Variants in CENPF observed in about 807,000 individuals in gnomAD.
The protein encoded by CENPF is AH antigen.
CENPF carries 214 observed loss-of-function variants against 307.3 expected under a neutral mutation model. The observed-to-expected ratio is 0.70, with a 90% confidence interval of 0.62 to 0.78. The LOEUF (loss-of-function observed/expected upper bound fraction) is 0.78, where lower values mean the gene tolerates loss of function less well. CENPF is among the 30% of genes least tolerant of loss of function. CENPF has a pLI of 0.00. For missense variants in CENPF, 3,401 were observed against 3,483.9 expected (o/e 0.98, Z 0.60); for synonymous variants, 1,259 against 1,270.6 (o/e 0.99, Z 0.19).
At chr1:214,612,481 A>G (rs1196538116) in intron 1 of CENPF, among the ~76,000 whole-genome samples, 1 of 152,108 alleles carries the variant, frequency 6.6e-6, no homozygotes, top group Non-Finnish European at 1.5e-5. Context: ...TGCTGGCCTC[A>G]TAGAATGAGT....
rs748009262 is a variant in CENPF at position 214,641,967 on chromosome 1, T to A, written c.3629T>A (p.Leu1210Ter). 6 of 1,602,714 alleles carry A rather than the reference T, an allele frequency of 3.7e-6. No homozygotes were observed. Among genetic ancestry groups the A allele is most frequent in the Non-Finnish European group, 4.2e-6 (5 of 1,177,148 alleles). ...TCTCTAGATAGTTATAATGCGCAGT[T>A]GGTGCAATTAGAAGCTATGCTAAGA... The part of the protein sequence containing the change: ...EISLDSYNAQ[L>*]VQLEAMLRNK... Residue 1210 changes from leucine to a stop codon, truncating the protein, a stop_gained, in exon 12 of 20, where the codon TTG becomes TAG. Transcript: ENST00000366955. LOFTEE classifies it high-confidence loss of function.
At chr1:214,638,121 A>G in intron 11 of CENPF, 120 bp downstream of exon 11, 1 of 1,021,900 alleles carries the variant, frequency 9.8e-7, no homozygotes, top group Non-Finnish European at 1.4e-6. Flanking sequence ...TCCCTCAAAA[A>G]GATGTGCGCA....
chr1:214,615,005 A>G lies in CENPF; in HGVS notation c.336A>G (p.Glu112=). Residue 112 remains glutamate, a synonymous_variant, in exon 3 of 20, where the codon GAA becomes GAG. Transcript: ENST00000366955. The part of the protein sequence containing the change: ...GQLNSGKKQI[E]KLEQELKRCK... ...TGAATTCAGGCAAAAAACAAATAGA[A>G]AAACTGGAACAGGAACTTAAAAGGT... The G allele has an allele frequency of 6.2e-7, 1 of 1,602,990 alleles. No homozygotes were observed. Among genetic ancestry groups the G allele is most frequent in the Non-Finnish European group, 8.5e-7 (1 of 1,176,306 alleles).
Position 214,642,576 on chromosome 1 carries a change from C to G in CENPF, c.4238C>G (p.Ser1413Cys), listed in dbSNP as rs1027586085. 4.4e-6 allele frequency: 7 copies of G among 1,609,168 alleles called. No homozygotes were observed. Among genetic ancestry groups the G allele is most frequent in the Non-Finnish European group, 5.9e-6 (7 of 1,177,870 alleles). Residue 1413 changes from serine to cysteine, a missense_variant, in exon 12 of 20, where the codon TCT (serine) becomes TGT (cysteine). Transcript: ENST00000366955. ...HFAELQEKFL[S>C]LQSEHKILHD... Reference sequence around the variant, plus strand: ...GCCGAATTGCAAGAGAAATTCTTATCTTTACAAAGTGAACACAAAATTTTA... The same window carrying G: ...GCCGAATTGCAAGAGAAATTCTTATGTTTACAAAGTGAACACAAAATTTTA...
chr1:214,608,223 A>T, intron 1 of CENPF: 1 of 1,336,580 alleles, frequency 7.5e-7, no homozygotes, highest in Non-Finnish European at 1.0e-6. Flanking sequence ...AGAGCCGCCC[A>T]CCTTCCTCCC....
At chr1:214,609,097 T>C (rs2807662) in intron 1 of CENPF, among the ~76,000 whole-genome samples, 35,706 of 149,096 alleles carry the variant, frequency 0.24, 7,404 homozygotes, top group African/African-American at 0.56. Context: ...CCCGCGCCCC[T>C]GGGCCCCAGG....
chr1:214,650,774 A>G (rs55869840), intron 14 of CENPF, among the ~76,000 whole-genome samples: 6,573 of 152,092 alleles, frequency 0.043, 180 homozygotes, highest in Middle Eastern at 0.1. Flanking sequence ...GTGGTGGCAC[A>G]TACTTGGGAG....
chr1:214,641,878 AAGAG>A lies in CENPF; in HGVS notation c.3545_3548del (p.Glu1182ValfsTer21), dbSNP rs567266370. ...AACCAATTAGGAACTCTGTGAAAGA[AAGAG>A]AGAGTGAGAGAAATCAATGTAATTT... On this transcript the variant is annotated frameshift_variant, in exon 12 of 20. Coordinates refer to ENST00000366955, the MANE Select transcript of CENPF (RefSeq NM_016343.4). LOFTEE classifies it high-confidence loss of function. 54 of 1,600,034 alleles carry A rather than the reference AAGAG, an allele frequency of 3.4e-5. No individual in the cohort carries two copies. Among genetic ancestry groups the A allele is most frequent in the Middle Eastern group, 1.7e-4 (1 of 5,992 alleles).
rs1444528290 is a variant in CENPF at position 214,657,205 on chromosome 1, A to G, written c.8758A>G (p.Arg2920Gly). 1 of 1,614,044 alleles carries G rather than the reference A, an allele frequency of 6.2e-7. No individual in the cohort carries two copies. The highest frequency in any genetic ancestry group is 8.5e-7 in the Non-Finnish European group (1 of 1,180,036). ...TCCAATCCCTTCTGTTACTGAAAAG[A>G]GGTTATCATCTGGCCAAAATAAAGC... ...PSPIPSVTEK[R>G]LSSGQNKASG... The change falls in exon 18 of 20, where the codon AGG becomes GGG. Residue 2920 changes from arginine to glycine, a missense_variant. Transcript: ENST00000366955.
At chr1:214,617,244 C>T (rs1236373914) in intron 3 of CENPF, among the ~76,000 whole-genome samples, 4 of 151,846 alleles carry the variant, frequency 2.6e-5, no homozygotes, top group Admixed American at 6.6e-5. Context: ...GAGAGGTTTT[C>T]GCCAAGTTGG....
intron 16 of CENPF, among the ~76,000 whole-genome samples, chr1:214,654,570 A>C (rs534223212): frequency 6.6e-6 from 1 of 152,298 alleles, no homozygotes; most frequent in East Asian, 1.9e-4. Flanking sequence ...CTGTCTTAAA[A>C]ATAAGTAAAT....
In CENPF at chr1:214,613,904, G is replaced by A. The variant is rs773348594; in HGVS notation, c.150G>A (p.Lys50=). 6.2e-7 allele frequency: 1 copy of A among 1,608,390 alleles called. No homozygotes were observed. The highest frequency in any genetic ancestry group is 8.5e-7 in the Non-Finnish European group (1 of 1,178,394). ...ACAGTCTCGAGGCTGCGCTGCAGAA[G>A]CAAAAACAGAAGGTACCCCTGAAGC... The part of the protein sequence containing the change: ...QLDSLEAALQ[K]QKQKVENEKT... The change falls in exon 2 of 20, where the codon AAG becomes AAA. Residue 50 remains lysine, a synonymous_variant. Transcript: ENST00000366955.
chr1:214,610,619 C>G (rs1007437039), intron 1 of CENPF, among the ~76,000 whole-genome samples: 4 of 151,562 alleles, frequency 2.6e-5, no homozygotes, highest in Admixed American at 2.6e-4. Context: ...TAAATATTTT[C>G]TCCCATTCTT....
intron 19 of CENPF, 96 bp from the exon 20 acceptor site, chr1:214,663,495 G>C (rs1029455282): frequency 3.4e-6 from 4 of 1,192,822 alleles, no homozygotes; most frequent in Non-Finnish European, 4.8e-6. Context: ...TAGAGAAGAA[G>C]AACTTAATTT....
At position 214,644,994 on chromosome 1, in the gene CENPF, C is replaced by T. The variant is rs1460740724; in HGVS notation, c.5424C>T (p.Asp1808=). 1 of 1,613,194 alleles carries T rather than the reference C, an allele frequency of 6.2e-7. No individual in the cohort carries two copies. The highest frequency in any genetic ancestry group is 8.5e-7 in the Non-Finnish European group (1 of 1,179,800). Residue 1808 remains aspartate (D), a synonymous_variant, in exon 13 of 20, where the codon GAC becomes GAT. Coordinates refer to ENST00000366955, the MANE Select transcript of CENPF (RefSeq NM_016343.4). ...TGCTAAATGAAATGAAAGAATTAGA[C>T]TCAAAACTCCATTTACAGGAGGTAC... is the stretch of plus-strand genomic sequence containing the variant. ...ESLLNEMKEL[D]SKLHLQEVQL...
intron 17 of CENPF, 46 bp downstream of exon 17, chr1:214,655,449 G>A (rs1481254685): frequency 4.7e-6 from 7 of 1,502,954 alleles, no homozygotes; most frequent in African/African-American, 1.4e-5. Context: ...CTCTTTTCCA[G>A]TAGTGAAATA....
intron 1 of CENPF, among the ~76,000 whole-genome samples, 165 bp from the exon 2 acceptor site, chr1:214,613,549 G>A (rs1056410368): frequency 3.3e-5 from 5 of 152,016 alleles, no homozygotes; most frequent in Non-Finnish European, 7.4e-5. Context: ...TCAATTATTG[G>A]TTGCCACCTT....
At chr1:214,638,332 T>C (rs904706641) in intron 11 of CENPF, among the ~76,000 whole-genome samples, 2 of 152,222 alleles carry the variant, frequency 1.3e-5, no homozygotes, top group African/African-American at 2.4e-5. Context: ...TCTAGTGTGC[T>C]TGTTAGTTAC....
Position 214,641,915 on chromosome 1 carries a change from CAGAT to C in CENPF, c.3578_3581del (p.Gln1193ArgfsTer10), listed in dbSNP as rs2102560418. The C allele has an allele frequency of 6.3e-7, 1 of 1,591,718 alleles. No homozygotes were observed. The highest frequency in any genetic ancestry group is 8.5e-7 in the Non-Finnish European group (1 of 1,173,126). On this transcript the variant is annotated frameshift_variant, in exon 12 of 20. Transcript: ENST00000366955. LOFTEE classifies it high-confidence loss of function. ...GAGAAATCAATGTAATTTTAAACCT[CAGAT>C]GGATCTTGAAGTTAAAGAAATTTCT...
Sources: allele counts gnomAD v4.1 joint callset (sites outside exome capture counted in the v4.1 genomes callset), GRCh38; gene constraint gnomAD v4.1.1; transcripts MANE v1.5; gene names NCBI Gene and HGNC (gene_info 2026-07-23, HGNC 2026-07-21).